Variants in CAMK2D observed in about 807,000 individuals in gnomAD.
The protein encoded by CAMK2D is calcium/calmodulin dependent protein kinase II delta.
Under a neutral mutation model 84.0 loss-of-function variants are expected in CAMK2D, and 37 were observed. The ratio of observed to expected loss-of-function variants is 0.44; its 90% CI spans 0.34 to 0.58. The LOEUF (loss-of-function observed/expected upper bound fraction) is 0.58, where lower values mean the gene tolerates loss of function less well. Ranked by LOEUF, CAMK2D falls within the 20% of genes least tolerant of loss-of-function variation. The pLI is 0.02. For missense variants in CAMK2D, 448 were observed against 652.5 expected (o/e 0.69, Z 3.41); for synonymous variants, 202 against 212.5 (o/e 0.95, Z 0.43).
At chr4:113,727,340 T>C (rs918449530) in intron 2 of CAMK2D, among the ~76,000 whole-genome samples, 2 of 152,194 alleles carry the variant, frequency 1.3e-5, no homozygotes, top group African/African-American at 4.8e-5. Context: ...CAATGTGATA[T>C]TGGCATAAGG....
intron 18 of CAMK2D, 142 bp downstream of exon 18, chr4:113,460,005 T>A (rs963748279): frequency 1.6e-6 from 1 of 626,666 alleles, no homozygotes. Flanking sequence ...TTTTCAATTT[T>A]GAATACAAAA....
At chr4:113,496,986 C>T (rs757174) in intron 16 of CAMK2D, among the ~76,000 whole-genome samples, 80,775 of 151,880 alleles carry the variant, frequency 0.53, 21,864 homozygotes, top group African/African-American at 0.6. Context: ...GGGATGATTA[C>T]GAGCTTGGGA....
At chr4:113,753,503 T>C (rs2099621771) in intron 2 of CAMK2D, among the ~76,000 whole-genome samples, 1 of 151,930 alleles carries the variant, frequency 6.6e-6, no homozygotes, top group Admixed American at 6.6e-5. Context: ...CCCTCTCTCC[T>C]CTTCAAACCT....
chr4:113,644,020 T>A (rs2099142169), intron 3 of CAMK2D, among the ~76,000 whole-genome samples: 1 of 152,184 alleles, frequency 6.6e-6, no homozygotes, highest in Non-Finnish European at 1.5e-5. Flanking sequence ...TTATATTACA[T>A]CAAATTATGT....
chr4:113,631,984 G>C (rs932064838), intron 3 of CAMK2D, among the ~76,000 whole-genome samples: 1 of 152,170 alleles, frequency 6.6e-6, no homozygotes. Context: ...TTGGTTAGTT[G>C]AAACAGTATT....
rs185803717 is a variant in CAMK2D, at chr4:113,610,627, A to T, written c.221-1421T>A. Among the ~76,000 whole-genome samples the T allele has an allele frequency of 4.2e-3, 636 of 152,232 alleles. 2 individuals carry two copies. Among genetic ancestry groups the T allele is most frequent in the Non-Finnish European group, 8.0e-3 (546 of 68,014 alleles). On this transcript the variant is annotated intron_variant, in intron 3 of 20. Transcript: ENST00000511664. ...CTAGATAGATTATAGTTTGTAAAAT[A>T]TGAATTTTCTATTGTTATTAACATG... is the stretch of plus-strand genomic sequence containing the variant.
chr4:113,474,497 C>CTT (rs2097581195), intron 16 of CAMK2D, among the ~76,000 whole-genome samples: 1 of 111,352 alleles, frequency 9.0e-6, no homozygotes, highest in African/African-American at 3.9e-5. Flanking sequence ...TCCTTTTTGG[C>CTT]CTTTTTTTTT....
At chr4:113,461,085 G>A (rs2097367685) in intron 17 of CAMK2D, among the ~76,000 whole-genome samples, 1 of 152,012 alleles carries the variant, frequency 6.6e-6, no homozygotes, top group Non-Finnish European at 1.5e-5. Context: ...ACACTTCCTG[G>A]CAATGTCCAC....
At chr4:113,668,138 G>C (rs561139270) in intron 2 of CAMK2D, among the ~76,000 whole-genome samples, 13 of 151,952 alleles carry the variant, frequency 8.6e-5, no homozygotes, top group Non-Finnish European at 1.6e-4. Context: ...AAAAAATTAC[G>C]TGAAAAAAGA....
intron 4 of CAMK2D, among the ~76,000 whole-genome samples, chr4:113,586,190 A>G (rs1346046201): frequency 6.6e-6 from 1 of 152,198 alleles, no homozygotes; most frequent in African/African-American, 2.4e-5. Context: ...TCAAGGATGA[A>G]CTATACAACT....
At chr4:113,680,059 CATT>C (rs1453691705) in intron 2 of CAMK2D, among the ~76,000 whole-genome samples, 5 of 152,188 alleles carry the variant, frequency 3.3e-5, no homozygotes, top group Non-Finnish European at 2.9e-5. Flanking sequence ...TCCTTTTTCA[CATT>C]ATTATTATTT....
At chr4:113,549,682 G>A (rs925081220) in intron 5 of CAMK2D, among the ~76,000 whole-genome samples, 1 of 152,082 alleles carries the variant, frequency 6.6e-6, no homozygotes, top group Non-Finnish European at 1.5e-5. Context: ...AGTACATCCT[G>A]AACTACATTT....
chr4:113,594,346 A>T (rs2098913428), intron 4 of CAMK2D, among the ~76,000 whole-genome samples: 1 of 152,182 alleles, frequency 6.6e-6, no homozygotes, highest in South Asian at 2.1e-4. Context: ...CATATCACCT[A>T]GTACATCATG....
chr4:113,757,779 T>G (rs1032821905), intron 2 of CAMK2D, among the ~76,000 whole-genome samples: 2 of 152,146 alleles, frequency 1.3e-5, no homozygotes, highest in Non-Finnish European at 2.9e-5. Context: ...AGAAGGCTTC[T>G]TCTCCACAGA....
At chr4:113,497,492 A>C (rs2097954116) in intron 16 of CAMK2D, among the ~76,000 whole-genome samples, 2 of 152,236 alleles carry the variant, frequency 1.3e-5, no homozygotes. Flanking sequence ...AGGAACCATT[A>C]ATCTCTGACT....
At chr4:113,640,158 GA>G (rs1228095933) in intron 3 of CAMK2D, among the ~76,000 whole-genome samples, 9 of 151,966 alleles carry the variant, frequency 5.9e-5, no homozygotes, top group African/African-American at 2.2e-4. Flanking sequence ...GGCAAGGGTG[GA>G]AAACAAGTTC....
chr4:113,549,878 C>T (rs2098610973), intron 5 of CAMK2D, among the ~76,000 whole-genome samples: 1 of 152,150 alleles, frequency 6.6e-6, no homozygotes, highest in African/African-American at 2.4e-5. Context: ...AACAATACCA[C>T]TAAAAGCGTC....
chr4:113,694,988 A>G (rs761757396), intron 2 of CAMK2D, among the ~76,000 whole-genome samples: 3 of 152,222 alleles, frequency 2.0e-5, no homozygotes, highest in African/African-American at 4.8e-5. Flanking sequence ...TACTGCTAAT[A>G]AAAGGAACAT....
At chr4:113,531,816 G>A (rs1336503822) in intron 7 of CAMK2D, among the ~76,000 whole-genome samples, 1 of 152,106 alleles carries the variant, frequency 6.6e-6, no homozygotes, top group Non-Finnish European at 1.5e-5. Flanking sequence ...GACTTAAGAA[G>A]GGATGTGGTA....
Sources: gnomAD v4.1 joint callset for allele counts (sites outside exome capture counted in the v4.1 genomes callset) on GRCh38, gnomAD v4.1.1 for gene constraint, MANE v1.5 for transcripts, NCBI Gene and HGNC (gene_info 2026-07-23, HGNC 2026-07-21) for gene names.